LDLRAD3: variants seen among roughly 807,000 people sequenced by gnomAD.
LDLRAD3 encodes low-density lipoprotein receptor class A domain-containing protein 3.
LDLRAD3 carries 20 observed loss-of-function variants against 29.4 expected under a neutral mutation model. The ratio of observed to expected loss-of-function variants is 0.68; its 90% CI spans 0.48 to 0.99. The LOEUF is 0.99. Among genes scored for constraint, LDLRAD3 ranks in the 50% least tolerant of loss-of-function variants. The probability of loss-of-function intolerance (pLI) is 0.00; values close to 1 mark genes in which losing one functional copy is unlikely to be tolerated. For missense variants in LDLRAD3, 420 were observed against 454.3 expected, an observed-to-expected ratio of 0.92 and a Z score of 0.69; for synonymous variants, 157 against 192.7, an observed-to-expected ratio of 0.81 and a Z score of 1.53.
intron 2 of LDLRAD3, 88 bp from the exon 3 acceptor site, chr11:36,081,565 T>C: frequency 1.3e-6 from 2 of 1,532,408 alleles, no homozygotes; most frequent in African/African-American, 1.4e-5. Context: ...TTAAGTGGAC[T>C]CATTTTCACA....
chr11:36,222,213 C>T (rs987609697), intron 4 of LDLRAD3, among the ~76,000 whole-genome samples: 2 of 152,222 alleles, frequency 1.3e-5, no homozygotes, highest in Admixed American at 6.5e-5. Context: ...GGACTACAGG[C>T]ACATGCCACT....
At chr11:36,143,791 TTAGATTAGAGCCCACCC>T (rs764773089) in intron 4 of LDLRAD3, among the ~76,000 whole-genome samples, 83 of 152,276 alleles carry the variant, frequency 5.5e-4, no homozygotes, top group Non-Finnish European at 1.0e-3. Context: ...TGTCTTCACA[TTAGATTAGAGCCCACCC>T]TACAAACAAA....
intron 1 of LDLRAD3, among the ~76,000 whole-genome samples, chr11:35,992,710 T>C (rs1851705601): frequency 6.6e-6 from 1 of 152,040 alleles, no homozygotes; most frequent in Non-Finnish European, 1.5e-5. Context: ...TGGGAGGAAA[T>C]AGGGCATGGC....
intron 2 of LDLRAD3, among the ~76,000 whole-genome samples, chr11:36,038,083 G>C (rs1412479888): frequency 1.3e-5 from 2 of 151,938 alleles, no homozygotes. Flanking sequence ...ATTTTTTGTA[G>C]AAACAGAGTT....
intron 1 of LDLRAD3, among the ~76,000 whole-genome samples, chr11:35,970,923 T>A (rs1489883136): frequency 6.6e-6 from 1 of 152,152 alleles, no homozygotes; most frequent in Admixed American, 6.5e-5. Flanking sequence ...TTTACCTTTA[T>A]AGAGAGGATA....
At chr11:35,959,230 T>G (rs1217331160) in intron 1 of LDLRAD3, among the ~76,000 whole-genome samples, 1 of 152,198 alleles carries the variant, frequency 6.6e-6, no homozygotes, top group Non-Finnish European at 1.5e-5. Context: ...TGACTGTGTT[T>G]GCAGACAGTT....
chr11:36,128,092 C>T (rs16926217), intron 4 of LDLRAD3, among the ~76,000 whole-genome samples: 3,309 of 106,482 alleles, frequency 0.031, 160 homozygotes, highest in African/African-American at 0.1. Flanking sequence ...TCAACTGTTG[C>T]GTATTGATGG....
At chr11:36,028,917 G>T (rs1852200493) in intron 1 of LDLRAD3, among the ~76,000 whole-genome samples, 1 of 152,138 alleles carries the variant, frequency 6.6e-6, no homozygotes, top group Non-Finnish European at 1.5e-5. Flanking sequence ...AATGGAAATG[G>T]TGCCTGTTTC....
At chr11:36,009,422 T>C (rs1851926821) in intron 1 of LDLRAD3, among the ~76,000 whole-genome samples, 1 of 152,206 alleles carries the variant, frequency 6.6e-6, no homozygotes. Context: ...TACAAAAGGC[T>C]AAGAATAGCA....
intron 4 of LDLRAD3, among the ~76,000 whole-genome samples, chr11:36,193,482 T>C (rs75318231): frequency 0.019 from 2,843 of 152,288 alleles, 31 homozygotes; most frequent in Middle Eastern, 0.082. Context: ...GGTTAGAAGA[T>C]CGAAACACCC....
At position 36,081,636 on chromosome 11, in the gene LDLRAD3, T is replaced by C. The variant is rs765375424; in HGVS notation, c.194-17T>C. The C allele has an allele frequency of 1.2e-6, 2 of 1,614,236 alleles. No homozygotes were observed. Among genetic ancestry groups the C allele is most frequent in the Non-Finnish European group, 1.7e-6 (2 of 1,180,036 alleles). ...GAACATCTCCTGATGTCTTGCTGTT[T>C]CTTTTTCTTCCTGCAGCCAAGGCTA... is the stretch of plus-strand genomic sequence containing the variant. On this transcript the variant is annotated splice_polypyrimidine_tract_variant and intron_variant, in intron 2 of 5. Coordinates refer to ENST00000315571, the MANE Select transcript of LDLRAD3 (RefSeq NM_174902.4).
At chr11:36,024,933 A>G (rs1437518746) in intron 1 of LDLRAD3, among the ~76,000 whole-genome samples, 1 of 152,160 alleles carries the variant, frequency 6.6e-6, no homozygotes, top group African/African-American at 2.4e-5. Flanking sequence ...AGGCCTTGCT[A>G]TTTCTGTTTT....
chr11:35,969,514 C>T (rs945938619), intron 1 of LDLRAD3, among the ~76,000 whole-genome samples: 7 of 152,184 alleles, frequency 4.6e-5, no homozygotes, highest in East Asian at 1.9e-4. Flanking sequence ...TGGTTTCCAC[C>T]GAGCAGAGAA....
At chr11:36,194,054 A>G (rs1854995867) in intron 4 of LDLRAD3, among the ~76,000 whole-genome samples, 1 of 152,184 alleles carries the variant, frequency 6.6e-6, no homozygotes, top group African/African-American at 2.4e-5. Context: ...CACATCTGGC[A>G]TTTAGCTGCT....
chr11:36,096,053 G>A (rs970883858), intron 3 of LDLRAD3, among the ~76,000 whole-genome samples: 28 of 152,304 alleles, frequency 1.8e-4, no homozygotes, highest in African/African-American at 4.8e-4. Context: ...CCACAGCGAT[G>A]TCAATAATTA....
At chr11:35,982,003 G>A (rs1281812214) in intron 1 of LDLRAD3, among the ~76,000 whole-genome samples, 1 of 152,192 alleles carries the variant, frequency 6.6e-6, no homozygotes, top group Non-Finnish European at 1.5e-5. Flanking sequence ...GTTCTGGGTT[G>A]CAGCAGTTAG....
rs1377130714 is a variant in LDLRAD3 at position 35,972,167 on chromosome 11, ACT to A, written c.46+28026_46+28027del. Among the ~76,000 whole-genome samples the A allele has an allele frequency of 2.6e-5, 4 of 151,978 alleles. No individual in the cohort carries two copies. The East Asian group carries it at 7.7e-4, about 29-fold the overall frequency. Reference sequence around the variant, plus strand: ...GAGACGAAAACTTGTTAAGCACAAAACTCTGTGAAACCCCAGAGTTTCACAGA... The same window carrying A: ...GAGACGAAAACTTGTTAAGCACAAAACTGTGAAACCCCAGAGTTTCACAGA... On this transcript the variant is annotated intron_variant, in intron 1 of 5. Coordinates refer to ENST00000315571, the MANE Select transcript of LDLRAD3 (RefSeq NM_174902.4).
intron 4 of LDLRAD3, among the ~76,000 whole-genome samples, chr11:36,117,717 C>T (rs559545696): frequency 6.6e-6 from 1 of 152,266 alleles, no homozygotes; most frequent in Non-Finnish European, 1.5e-5. Flanking sequence ...GCTTCCACTT[C>T]AGCTCTGCTC....
chr11:36,023,844 A>G (rs2133199889), intron 1 of LDLRAD3, among the ~76,000 whole-genome samples: 1 of 152,238 alleles, frequency 6.6e-6, no homozygotes, highest in East Asian at 1.9e-4. Flanking sequence ...ACAGCTTTAT[A>G]GTTGTTTGGA....
Sources: allele counts gnomAD v4.1 joint callset (sites outside exome capture counted in the v4.1 genomes callset), GRCh38; gene constraint gnomAD v4.1.1; transcripts MANE v1.5; gene names NCBI Gene and HGNC (gene_info 2026-07-23, HGNC 2026-07-21).